The following ULK2 variants were observed in gnomAD, a reference collection of about 807,000 sequenced individuals.
ULK2 encodes serine/threonine-protein kinase ULK2.
Under a neutral mutation model 127.5 loss-of-function variants are expected in ULK2, and 76 were observed. The ratio of observed to expected loss-of-function variants is 0.60; its 90% CI spans 0.50 to 0.72. The LOEUF (loss-of-function observed/expected upper bound fraction) is 0.72. ULK2 is among the 30% of genes least tolerant of loss of function. ULK2 has a pLI of 0.00. For synonymous variants in ULK2, 452 were observed against 461.9 expected (o/e 0.98, Z 0.28); for missense variants, 1,144 against 1,295.9 (o/e 0.88, Z 1.80).
At position 19,783,841 on chromosome 17, in the gene ULK2, C is replaced by A. The variant is rs376881301; in HGVS notation, c.2316G>T (p.Pro772=). The A allele has an allele frequency of 2.5e-6, 4 of 1,594,392 alleles. No individual in the cohort carries two copies. Among genetic ancestry groups the A allele is most frequent in the Non-Finnish European group, 3.4e-6 (4 of 1,170,700 alleles). ...AMSGRVCVGS[P]PGPGFGSSPP... is the part of the protein sequence containing the mutation. ...GGGAAGAGCCGAAGCCTGGGCCAGG[C>A]GGGGACCCCACGCACACGCGGCCAC... The change falls in exon 22 of 27, where the codon CCG becomes CCT. Residue 772 remains proline, a synonymous_variant. Coordinates refer to ENST00000395544, the MANE Select transcript of ULK2 (RefSeq NM_014683.4).
At chr17:19,820,255 G>A (rs2041105474) in intron 12 of ULK2, among the ~76,000 whole-genome samples, 1 of 152,030 alleles carries the variant, frequency 6.6e-6, no homozygotes, top group Admixed American at 6.6e-5. Context: ...CACCATGTTG[G>A]CCAGGATGGT....
At chr17:19,824,016 G>A (rs1389463499) in intron 12 of ULK2, among the ~76,000 whole-genome samples, 1 of 152,044 alleles carries the variant, frequency 6.6e-6, no homozygotes, top group Non-Finnish European at 1.5e-5. Context: ...AACCCTACGA[G>A]GTAGGTAAAT....
intron 1 of ULK2, 103 bp downstream of exon 1, chr17:19,867,225 C>T (rs1377866385): frequency 1.1e-6 from 1 of 883,110 alleles, no homozygotes; most frequent in Non-Finnish European, 1.6e-6. Context: ...ACCCGGGCGG[C>T]TAGCCGAGTC....
At chr17:19,864,927 TAC>T in intron 2 of ULK2, 83 bp from the exon 3 acceptor site, 1 of 542,628 alleles carries the variant, frequency 1.8e-6, no homozygotes, top group Non-Finnish European at 2.9e-6. Context: ...AATTAAAGTA[TAC>T]ACATACACTT....
intron 18 of ULK2, among the ~76,000 whole-genome samples, chr17:19,796,603 T>C (rs1285609829): frequency 6.6e-6 from 1 of 152,200 alleles, no homozygotes; most frequent in Non-Finnish European, 1.5e-5. Flanking sequence ...CCATGCACAA[T>C]TACTTACAAG....
chr17:19,852,748 A>G (rs1047087705), intron 3 of ULK2, among the ~76,000 whole-genome samples: 2 of 150,838 alleles, frequency 1.3e-5, no homozygotes, highest in African/African-American at 4.9e-5. Context: ...CTCCTGCCTC[A>G]GTCTCCCGAG....
intron 10 of ULK2, 54 bp downstream of exon 10, chr17:19,838,447 G>A (rs111360776): frequency 2.9e-4 from 423 of 1,437,690 alleles, no homozygotes; most frequent in Non-Finnish European, 3.6e-4. Flanking sequence ...TAAATCTTTC[G>A]GCATATATAA....
chr17:19,846,411 G>T (rs1298333167), intron 6 of ULK2, among the ~76,000 whole-genome samples: 1 of 151,906 alleles, frequency 6.6e-6, no homozygotes, highest in African/African-American at 2.4e-5. Context: ...AAGCTGAGGC[G>T]GGCAGATCAC....
chr17:19,864,895 CTAT>C, intron 2 of ULK2, 51 bp from the exon 3 acceptor site: 1 of 880,430 alleles, frequency 1.1e-6, no homozygotes, highest in Non-Finnish European at 1.6e-6. Context: ...AATGACTTTA[CTAT>C]ATTTTAATAT....
intron 12 of ULK2, 36 bp downstream of exon 12, chr17:19,825,058 T>C (rs1237792112): frequency 1.3e-6 from 2 of 1,577,866 alleles, no homozygotes; most frequent in African/African-American, 1.3e-5. Flanking sequence ...GTAATAGCAC[T>C]AACTCTGAAA....
intron 7 of ULK2, among the ~76,000 whole-genome samples, chr17:19,843,523 A>C (rs560216422): frequency 1.4e-4 from 21 of 152,264 alleles, no homozygotes; most frequent in African/African-American, 5.1e-4. Flanking sequence ...GTAAAGAAAA[A>C]TACACACCAT....
At chr17:19,837,396 G>A (rs1203125946) in intron 10 of ULK2, among the ~76,000 whole-genome samples, 1 of 152,128 alleles carries the variant, frequency 6.6e-6, no homozygotes, top group Non-Finnish European at 1.5e-5. Context: ...ACTCCAGCCT[G>A]GGTGACAGAG....
intron 12 of ULK2, among the ~76,000 whole-genome samples, chr17:19,823,078 A>T (rs1419442005): frequency 7.1e-6 from 1 of 141,356 alleles, no homozygotes; most frequent in East Asian, 2.1e-4. Context: ...CTCCCATTTC[A>T]GCCTCCCTTA....
At chr17:19,791,019 A>G (rs1487051548) in intron 20 of ULK2, among the ~76,000 whole-genome samples, 1 of 152,256 alleles carries the variant, frequency 6.6e-6, no homozygotes, top group Admixed American at 6.5e-5. Flanking sequence ...AAATATTGTT[A>G]GAGCTAAAGA....
intron 3 of ULK2, among the ~76,000 whole-genome samples, chr17:19,851,501 G>A (rs1340672133): frequency 7.3e-5 from 11 of 151,648 alleles, no homozygotes; most frequent in South Asian, 2.1e-4. Context: ...TTAGCCGGGC[G>A]TGGTGGTGCA....
intron 12 of ULK2, 110 bp from the exon 13 acceptor site, chr17:19,817,030 CCAATT>C: frequency 1.1e-6 from 1 of 907,736 alleles, no homozygotes; most frequent in Non-Finnish European, 1.6e-6. Flanking sequence ...GGCATGAAGT[CCAATT>C]CCATCTAAGG....
chr17:19,814,224 G>A (rs2040910816), intron 13 of ULK2, among the ~76,000 whole-genome samples: 1 of 151,072 alleles, frequency 6.6e-6, no homozygotes, highest in South Asian at 2.1e-4. Context: ...TGAGTTACAG[G>A]TAAAATTAAA....
In ULK2 at chr17:19,781,069, G is replaced by A. The variant is rs749262442; in HGVS notation, c.2675C>T (p.Ala892Val). ...ATGCAGAGAAGCCGCAAGCAGCTGT[G>A]CTGCTTTCATGTACAACACCAGCTG... ...VEQLVLYMKA[A>V]QLLAASLHLA... Residue 892 changes from alanine to valine, a missense_variant, in exon 24 of 27, where the codon GCA (alanine) becomes GTA (valine). This residue lies in a region of ULK2 where 913 missense variants were observed against 970.5 expected (regional missense o/e 0.94). Coordinates refer to ENST00000395544, the MANE Select transcript of ULK2 (RefSeq NM_014683.4). The A allele has an allele frequency of 2.5e-6, 4 of 1,613,850 alleles. No individual in the cohort carries two copies. The Admixed American group carries it at 6.7e-5, about 27-fold the overall frequency.
At chr17:19,826,981 A>G (rs935796989) in intron 10 of ULK2, among the ~76,000 whole-genome samples, 3 of 152,060 alleles carry the variant, frequency 2.0e-5, no homozygotes, top group African/African-American at 7.2e-5. Flanking sequence ...AGAAACTACA[A>G]AAACAATACA....
Sources: gnomAD v4.1 joint callset for allele counts (sites outside exome capture counted in the v4.1 genomes callset) on GRCh38, gnomAD v4.1.1 for gene constraint, gnomAD v4.1.1 regional missense constraint, MANE v1.5 for transcripts, NCBI Gene and HGNC (gene_info 2026-07-23, HGNC 2026-07-21) for gene names.